The following ARHGAP21 variants were observed in gnomAD, a reference collection of about 807,000 sequenced individuals.
ARHGAP21 encodes rho GTPase-activating protein 21.
A neutral mutation model predicts 164.6 loss-of-function variants in ARHGAP21; 38 were observed. That is an observed-to-expected ratio of 0.23 (90% CI 0.18 to 0.30). The LOEUF (loss-of-function observed/expected upper bound fraction) is 0.30. ARHGAP21 is among the 10% of genes least tolerant of loss of function. ARHGAP21 has a pLI of 1.00. For synonymous variants in ARHGAP21, 766 were observed against 857.9 expected (o/e 0.89, Z 1.87); for missense variants, 1,822 against 2,370.7 (o/e 0.77, Z 4.81).
At chr10:24,719,689 AAAATT>A (rs1845744807) in intron 2 of ARHGAP21, among the ~76,000 whole-genome samples, 1 of 152,248 alleles carries the variant, frequency 6.6e-6, no homozygotes, top group South Asian at 2.1e-4. Flanking sequence ...TGCTTCTAAT[AAAATT>A]GACGACAAAA....
rs1391979579 is a variant in ARHGAP21, at chr10:24,607,583, C to A, written c.2600G>T (p.Ser867Ile). The A allele has an allele frequency of 1.2e-6, 2 of 1,614,036 alleles. No homozygotes were observed. Among genetic ancestry groups the A allele is most frequent in the Admixed American group, 1.7e-5 (1 of 60,012 alleles). Residue 867 changes from serine to isoleucine, a missense_variant, in exon 11 of 26, where the codon AGC becomes ATC. By Grantham distance (142) the Ser-to-Ile change is moderately radical. Around this residue, in one of 5 missense-constraint regions of ARHGAP21, gnomAD observed 1,090 missense variants for 1,378.9 expected, o/e 0.79. Coordinates refer to ENST00000396432, the MANE Select transcript of ARHGAP21 (RefSeq NM_020824.4). Reference protein sequence around the residue: ...SHDHESVGPPSLDAQPNSKTE... With the variant: ...SHDHESVGPPILDAQPNSKTE... ...CTTTGAGTTGGGCTGAGCATCCAGG[C>A]TAGGAGGGCCAACAGATTCTGTAAT...
chr10:24,684,335 A>G (rs1040097770), intron 2 of ARHGAP21, among the ~76,000 whole-genome samples: 1 of 152,166 alleles, frequency 6.6e-6, no homozygotes, highest in Non-Finnish European at 1.5e-5. Flanking sequence ...ATACAACACT[A>G]TAAAACACTC....
chr10:24,587,728 A>G (rs994588367), intron 25 of ARHGAP21, among the ~76,000 whole-genome samples: 2 of 152,172 alleles, frequency 1.3e-5, no homozygotes, highest in South Asian at 2.1e-4. Context: ...ACTTTTAAAC[A>G]TCTCAGTTCC....
At chr10:24,595,397 C>T (rs2076535741) in intron 19 of ARHGAP21, among the ~76,000 whole-genome samples, 1 of 152,116 alleles carries the variant, frequency 6.6e-6, no homozygotes, top group Non-Finnish European at 1.5e-5. Flanking sequence ...CCAACAACAT[C>T]TAGTAAAGTG....
intron 4 of ARHGAP21, among the ~76,000 whole-genome samples, chr10:24,658,196 G>A (rs945151085): frequency 3.9e-5 from 6 of 152,310 alleles, no homozygotes; most frequent in African/African-American, 9.6e-5. Flanking sequence ...AGAGGATGTA[G>A]AGAAACAGGA....
At chr10:24,614,674 T>C (rs2077400833) in intron 9 of ARHGAP21, among the ~76,000 whole-genome samples, 1 of 150,488 alleles carries the variant, frequency 6.6e-6, no homozygotes, top group Non-Finnish European at 1.5e-5. Flanking sequence ...TCCCAGCTAC[T>C]TGGGAGACTG....
At chr10:24,688,823 A>AGGGAGTAGCATCAAATATACCT (rs889959817) in intron 2 of ARHGAP21, among the ~76,000 whole-genome samples, 1 of 152,234 alleles carries the variant, frequency 6.6e-6, no homozygotes, top group Non-Finnish European at 1.5e-5. Flanking sequence ...GGAAGCTTAA[A>AGGGAGTAGCATCAAATATACCT]GGGAGTAGCA....
At chr10:24,696,513 G>A (rs945495337) in intron 2 of ARHGAP21, among the ~76,000 whole-genome samples, 3 of 152,214 alleles carry the variant, frequency 2.0e-5, no homozygotes, top group African/African-American at 7.2e-5. Flanking sequence ...CTGTGCCTCT[G>A]TAGTGGGGCA....
In ARHGAP21 at chr10:24,648,811, A is replaced by T. The variant is rs890799725; in HGVS notation, c.269-13708T>A. ...AAAAAAAAAAAATCATCATAGGTCA[A>T]AATGTATATATATTCTTACCATCAC... On this transcript the variant is annotated intron_variant, in intron 4 of 25. Coordinates refer to ENST00000396432, the MANE Select transcript of ARHGAP21 (RefSeq NM_020824.4). The T allele has an allele frequency of 2.0e-5, 20 of 983,784 alleles. No homozygotes were observed. In the African/African-American group the frequency reaches 2.3e-4, roughly 11 times the overall value. The allele number at this position is 983,784 out of a possible 1,614,324, so 60.9% of individuals were successfully genotyped here.
At chr10:24,668,008 T>A (rs1271190485) in intron 3 of ARHGAP21, among the ~76,000 whole-genome samples, 1 of 152,214 alleles carries the variant, frequency 6.6e-6, no homozygotes, top group African/African-American at 2.4e-5. Flanking sequence ...AATAATAGCA[T>A]TAATAGCTAA....
intron 2 of ARHGAP21, among the ~76,000 whole-genome samples, chr10:24,685,519 C>A (rs552313454): frequency 2.6e-5 from 4 of 152,290 alleles, no homozygotes; most frequent in Admixed American, 6.5e-5. Context: ...CATAAAGATA[C>A]AATGAGATTA....
chr10:24,590,159 A>G, intron 24 of ARHGAP21: 1 of 1,385,898 alleles, frequency 7.2e-7, no homozygotes, highest in Non-Finnish European at 9.3e-7. Flanking sequence ...CGCCCCTTTT[A>G]ACACATGGCT....
At chr10:24,615,387 T>A (rs1250969748) in intron 9 of ARHGAP21, among the ~76,000 whole-genome samples, 1 of 152,068 alleles carries the variant, frequency 6.6e-6, no homozygotes, top group Non-Finnish European at 1.5e-5. Flanking sequence ...ACAGCCAACG[T>A]TGGGGTAAGA....
chr10:24,645,728 A>G (rs959542660), intron 4 of ARHGAP21, among the ~76,000 whole-genome samples: 2 of 152,242 alleles, frequency 1.3e-5, no homozygotes, highest in Non-Finnish European at 2.9e-5. Context: ...TATATTCATT[A>G]GATGTATATG....
chr10:24,622,440 ATATATATATATATATATAT>A (rs1834658012), intron 8 of ARHGAP21, among the ~76,000 whole-genome samples: 8 of 8,596 alleles, frequency 9.3e-4, no homozygotes, highest in African/African-American at 3.7e-3. Context: ...AAACATATAT[ATATATATATATATATATAT>A]ATATATATAT....
chr10:24,609,507 C>T (rs1171656875), intron 9 of ARHGAP21, among the ~76,000 whole-genome samples: 2 of 152,136 alleles, frequency 1.3e-5, no homozygotes, highest in Non-Finnish European at 2.9e-5. Flanking sequence ...AGTATTGTTG[C>T]ATTCTTTATA....
At chr10:24,611,935 C>T (rs995655133) in intron 9 of ARHGAP21, among the ~76,000 whole-genome samples, 10 of 152,028 alleles carry the variant, frequency 6.6e-5, no homozygotes, top group Non-Finnish European at 1.5e-4. Flanking sequence ...TTTCTAGCAC[C>T]CTGACAAATG....
rs143300401 is a variant in ARHGAP21, at chr10:24,610,180, C to G, written c.2423-2277G>C. ...TCACCTGAGGTCAGGAGTTCGAGAC[C>G]AGCCTGGCCAACATGGCAAAACCCT... On this transcript the variant is annotated intron_variant, in intron 9 of 25. Coordinates refer to ENST00000396432, the MANE Select transcript of ARHGAP21 (RefSeq NM_020824.4). Among the ~76,000 whole-genome samples, 583 of 152,254 alleles carry G rather than the reference C, an allele frequency of 3.8e-3. 4 individuals are homozygous for G. The highest frequency in any genetic ancestry group is 0.013 in the African/African-American group (525 of 41,550).
chr10:24,610,379 A>C (rs1234096804), intron 9 of ARHGAP21, among the ~76,000 whole-genome samples: 10 of 152,000 alleles, frequency 6.6e-5, no homozygotes, highest in South Asian at 2.1e-4. Context: ...TCACAAAAAA[A>C]AAAAAAAAAA....
Sources: gnomAD v4.1 joint callset for allele counts (sites outside exome capture counted in the v4.1 genomes callset) on GRCh38, gnomAD v4.1.1 for gene constraint, gnomAD v4.1.1 regional missense constraint, MANE v1.5 for transcripts, NCBI Gene and HGNC (gene_info 2026-07-23, HGNC 2026-07-21) for gene names.